The following TXNDC15 variants were observed in gnomAD, a reference collection of about 807,000 sequenced individuals.
TXNDC15 encodes the protein thioredoxin domain containing 15, also known as thioredoxin domain-containing protein 15.
In TXNDC15, 24 loss-of-function variants were observed where a neutral mutation model predicts 35.0. That is an observed-to-expected ratio of 0.68 (90% CI 0.50 to 0.96). TXNDC15 has a LOEUF of 0.96. Among genes scored for constraint, TXNDC15 ranks in the 40% least tolerant of loss-of-function variants. TXNDC15 has a pLI of 0.00. For missense variants in TXNDC15, 385 were observed against 453.3 expected (o/e 0.85, Z 1.37); for synonymous variants, 169 against 174.0 (o/e 0.97, Z 0.23).
chr5:134,889,829 T>C lies in TXNDC15; in HGVS notation c.591+1647T>C, dbSNP rs573148959. Among the ~76,000 whole-genome samples the C allele has an allele frequency of 2.1e-4, 32 of 152,370 alleles. 1 individual carries two copies. Among genetic ancestry groups the C allele is most frequent in the South Asian group, 8.3e-4 (4 of 4,830 alleles). ...GGTTTCCCAGTGCATACAGAAGTTA[T>C]ACTATATTGTAGTTTATTAAGTATG... On this transcript the variant is annotated intron_variant, in intron 2 of 4. Transcript: ENST00000358387.
At chr5:134,892,468 T>C (rs2150189211) in intron 2 of TXNDC15, 1 of 152,398 alleles carries the variant, frequency 6.6e-6, no homozygotes, top group African/African-American at 2.4e-5. Context: ...TTTTGCTTTC[T>C]TATCATTTGC....
At chr5:134,892,375 TTTAGGC>T (rs994050436) in intron 2 of TXNDC15, 2 of 152,222 alleles carry the variant, frequency 1.3e-5, no homozygotes, top group African/African-American at 4.8e-5. Flanking sequence ...TTGCTCTGGA[TTTAGGC>T]TTTGGCTTAA....
intron 1 of TXNDC15, among the ~76,000 whole-genome samples, chr5:134,885,532 G>T (rs992523117): frequency 6.6e-6 from 1 of 152,130 alleles, no homozygotes; most frequent in African/African-American, 2.4e-5. Context: ...GTGATGACCC[G>T]TACCCTGCTG....
upstream of TXNDC15, chr5:134,874,258 G>A: frequency 1.7e-6 from 1 of 575,072 alleles, no homozygotes; most frequent in Non-Finnish European, 3.0e-6. Flanking sequence ...CCGACGGCCA[G>A]CGGCTAGAGG....
At chr5:134,893,393 T>C in intron 2 of TXNDC15, 99 bp from the exon 3 acceptor site, 1 of 1,451,340 alleles carries the variant, frequency 6.9e-7, no homozygotes. Context: ...TACCCACCCG[T>C]TCCTCTCCCT....
At chr5:134,875,406 G>C (rs1750014130) in intron 1 of TXNDC15, 1 of 456,198 alleles carries the variant, frequency 2.2e-6, no homozygotes, top group Admixed American at 2.3e-5. Context: ...GTGAGTCATA[G>C]TAACACAATT....
rs575158380 is a variant in TXNDC15, at chr5:134,889,290, T to G, written c.591+1108T>G. Among the ~76,000 whole-genome samples, 204 of 152,258 alleles carry G rather than the reference T, an allele frequency of 1.3e-3. 1 individual carries two copies. Among genetic ancestry groups the G allele is most frequent in the African/African-American group, 4.6e-3 (192 of 41,546 alleles). On this transcript the variant is annotated intron_variant, in intron 2 of 4. Transcript: ENST00000358387. ...CCCAGGCTGGAGTGCAATGGGATGA[T>G]CTGGGTTCACTGCAACCTCTGCCTC...
rs766474509 is a variant in TXNDC15, at chr5:134,899,629, C to T, written c.1027C>T (p.Arg343Ter). 1.4e-5 allele frequency: 22 copies of T among 1,613,514 alleles called. No individual in the cohort carries two copies. The highest frequency in any genetic ancestry group is 3.3e-5 in the Admixed American group (2 of 59,914). Residue 343 changes from arginine (R) to a stop codon, truncating the protein, a stop_gained, in exon 5 of 5, where the codon CGA (arginine) becomes TGA (stop). Coordinates refer to ENST00000358387, the MANE Select transcript of TXNDC15 (RefSeq NM_024715.4). LOFTEE classifies it high-confidence loss of function. ...LISFIMYATI[R>*]TESIRWLIPG... The stretch of plus-strand genomic sequence containing the variant: ...TAGTTTTATTATGTATGCTACCATT[C>T]GAACTGAGAGTATTCGGTGGCTAAT...
intron 1 of TXNDC15, among the ~76,000 whole-genome samples, chr5:134,878,516 G>A (rs1750083283): frequency 6.6e-6 from 1 of 152,156 alleles, no homozygotes; most frequent in East Asian, 1.9e-4. Context: ...AGAAGCCATT[G>A]TGAAAACACC....
intron 4 of TXNDC15, 80 bp from the exon 5 acceptor site, chr5:134,899,409 C>G (rs1750556161): frequency 8.3e-7 from 1 of 1,207,838 alleles, no homozygotes; most frequent in East Asian, 2.4e-5. Flanking sequence ...TGTCATTTTG[C>G]ATACCATACA....
intron 2 of TXNDC15, among the ~76,000 whole-genome samples, chr5:134,889,793 G>A (rs557793652): frequency 6.3e-4 from 96 of 152,326 alleles, no homozygotes; most frequent in African/African-American, 2.2e-3. Context: ...AGCAAATCAC[G>A]TGAATATTTT....
chr5:134,899,446 G>A (rs1435076587), intron 4 of TXNDC15, 43 bp from the exon 5 acceptor site: 1 of 1,569,692 alleles, frequency 6.4e-7, no homozygotes, highest in Admixed American at 1.9e-5. Context: ...TCTGTGGTGG[G>A]TGCTTTTTCT....
At chr5:134,877,012 A>G (rs1256424323) in intron 1 of TXNDC15, among the ~76,000 whole-genome samples, 2 of 152,206 alleles carry the variant, frequency 1.3e-5, no homozygotes, top group Non-Finnish European at 2.9e-5. Context: ...CAGCCACTAA[A>G]TAACTACAAA....
chr5:134,890,301 T>G (rs908931299), intron 2 of TXNDC15, among the ~76,000 whole-genome samples: 1 of 152,012 alleles, frequency 6.6e-6, no homozygotes, highest in Admixed American at 6.6e-5. Flanking sequence ...CCTCAAAGTG[T>G]TGTGAGTCGT....
chr5:134,875,108 A>G (rs1166642090), intron 1 of TXNDC15: 2 of 456,134 alleles, frequency 4.4e-6, no homozygotes, highest in African/African-American at 2.0e-5. Flanking sequence ...CCACTGTCTT[A>G]AGGAGGCCAG....
chr5:134,874,402 G>T lies in TXNDC15; in HGVS notation c.-26G>T, dbSNP rs556474975. The T allele has an allele frequency of 1.8e-5, 29 of 1,572,224 alleles. 1 individual carries two copies. In the South Asian group the frequency reaches 2.8e-4, roughly 15 times the overall value. ...CTGGCAGCACGACTCGCGTAGCCGTGCGCCGATTGCCTCTCGGCCTGGGCA... is the reference window on the plus strand; with the variant it reads ...CTGGCAGCACGACTCGCGTAGCCGTTCGCCGATTGCCTCTCGGCCTGGGCA... On this transcript the variant is annotated 5_prime_UTR_variant, in exon 1 of 5. Coordinates refer to ENST00000358387, the MANE Select transcript of TXNDC15 (RefSeq NM_024715.4).
At chr5:134,886,245 A>C (rs918480964) in intron 1 of TXNDC15, among the ~76,000 whole-genome samples, 12 of 152,264 alleles carry the variant, frequency 7.9e-5, no homozygotes, top group African/African-American at 2.2e-4. Flanking sequence ...ACAAATGTGC[A>C]TACCTGAGGA....
At chr5:134,885,235 C>T (rs1413734992) in intron 1 of TXNDC15, among the ~76,000 whole-genome samples, 1 of 152,170 alleles carries the variant, frequency 6.6e-6, no homozygotes, top group Non-Finnish European at 1.5e-5. Flanking sequence ...TATATATATT[C>T]TTGAGCTTTG....
chr5:134,874,131 G>A (rs1749973227), upstream of TXNDC15: 4 of 313,104 alleles, frequency 1.3e-5, no homozygotes, highest in East Asian at 2.1e-4. Context: ...ACTTCCGAGG[G>A]AAGAAAGGAG....
Sources: gnomAD v4.1 joint callset for allele counts (sites outside exome capture counted in the v4.1 genomes callset) on GRCh38, gnomAD v4.1.1 for gene constraint, MANE v1.5 for transcripts, NCBI Gene and HGNC (gene_info 2026-07-23, HGNC 2026-07-21) for gene names.